ZFP64: variants seen among roughly 807,000 people sequenced by gnomAD.
ZFP64 encodes the protein ZFP64 zinc finger protein.
ZFP64 carries 14 observed loss-of-function variants against 51.6 expected under a neutral mutation model. The observed-to-expected ratio is 0.27, with a 90% confidence interval of 0.18 to 0.42. The LOEUF is 0.42. Among genes scored for constraint, ZFP64 ranks in the 10% least tolerant of loss-of-function variants. ZFP64 has a pLI of 1.00. For synonymous variants in ZFP64, 375 were observed against 361.4 expected, an observed-to-expected ratio of 1.04 and a Z score of -0.43; for missense variants, 754 against 906.8, an observed-to-expected ratio of 0.83 and a Z score of 2.16.
intron 5 of ZFP64, among the ~76,000 whole-genome samples, chr20:52,139,529 T>G (rs1461126208): frequency 6.6e-6 from 1 of 151,834 alleles, no homozygotes; most frequent in Non-Finnish European, 1.5e-5. Flanking sequence ...AGGGTGAGGG[T>G]TGAAAAACTT....
intron 7 of ZFP64, among the ~76,000 whole-genome samples, chr20:52,094,016 A>C (rs1185316922): frequency 6.6e-6 from 1 of 152,228 alleles, no homozygotes; most frequent in African/African-American, 2.4e-5. Flanking sequence ...AGAAGAGTCC[A>C]TCCAAATTGC....
At chr20:52,183,936 T>C (rs6126495) in intron 2 of ZFP64, among the ~76,000 whole-genome samples, 32,241 of 152,084 alleles carry the variant, frequency 0.21, 3,853 homozygotes, top group African/African-American at 0.33. Flanking sequence ...CTGCAGCCTC[T>C]GCCTCCTGGG....
chr20:52,190,108 A>G (rs1237187688), intron 1 of ZFP64, among the ~76,000 whole-genome samples: 2 of 152,206 alleles, frequency 1.3e-5, no homozygotes, highest in African/African-American at 4.8e-5. Context: ...TGGGCTGAGC[A>G]CTGTGATAAG....
Position 52,085,388 on chromosome 20 carries a change from C to A in ZFP64, c.1229-122G>T. 9.8e-7 allele frequency: 1 copy of A among 1,016,332 alleles called. No homozygotes were observed. The highest frequency in any genetic ancestry group is 2.6e-5 in the East Asian group (1 of 38,178). The allele number at this position is 1,016,332 out of a possible 1,614,324, so 63.0% of individuals were successfully genotyped here. A position where few individuals can be genotyped will look rare whatever the true frequency, so the allele number is the denominator to read the frequency against. ...GGGTTTTGTGAACTCTAAACCCAAC[C>A]TCCTAATGACAACACTTGTTGTGCA... On this transcript the variant is annotated intron_variant, in intron 8 of 8. Transcript: ENST00000361387. The surrounding 1 kb of genome is among the most constrained non-coding windows in gnomAD (Gnocchi z 4.3).
rs897409237 is a variant in ZFP64 at position 52,093,297 on chromosome 20, C to T, written c.976+4076G>A. On this transcript the variant is annotated intron_variant, in intron 7 of 8. Coordinates refer to the ZFP64 transcript ENST00000361387. ...CTGGGATTACAGGCAGCCACCACCA[C>T]GCGTGGCTAATATTTGTATTTTTAG... 4.6e-5 allele frequency among the ~76,000 whole-genome samples: 7 copies of T among 152,142 alleles called. No homozygotes were observed. In the East Asian group the frequency reaches 7.7e-4, roughly 17 times the overall value.
At chr20:52,144,099 C>CAT (rs11473560) in intron 5 of ZFP64, among the ~76,000 whole-genome samples, 62,831 of 141,516 alleles carry the variant, frequency 0.44, 19,594 homozygotes, top group Non-Finnish European at 0.52. Context: ...AAATACTTGA[C>CAT]GTGTTAATCT....
rs1981062686 is a variant in ZFP64 at position 52,153,573 on chromosome 20, G to A, written c.764-145C>T. On this transcript the variant is annotated intron_variant, in intron 5 of 5. Coordinates refer to ENST00000216923, the MANE Select transcript of ZFP64 (RefSeq NM_018197.3). This position sits in a 1 kb window ranked among gnomAD's most constrained non-coding sequence, Gnocchi z 5.1. ...AGCTTCTAGCAGCCCCTGGCAGTGGGGGAAGAGGGGCAGGGCGTCTTTATC... is the reference window on the plus strand; with the variant it reads ...AGCTTCTAGCAGCCCCTGGCAGTGGAGGAAGAGGGGCAGGGCGTCTTTATC... 7.9e-7 allele frequency: 1 copy of A among 1,257,926 alleles called. No homozygotes were observed. The highest frequency in any genetic ancestry group is 1.5e-5 in the African/African-American group (1 of 66,454). The allele number at this position is 1,257,926 out of a possible 1,614,324, so 77.9% of individuals were successfully genotyped here.
At chr20:52,094,815 A>G (rs2122734620) in intron 7 of ZFP64, among the ~76,000 whole-genome samples, 1 of 152,310 alleles carries the variant, frequency 6.6e-6, no homozygotes, top group African/African-American at 2.4e-5. Flanking sequence ...TCCCAGTTAA[A>G]CACACACCTC....
chr20:52,145,264 C>G (rs1427526459), intron 5 of ZFP64, among the ~76,000 whole-genome samples: 1 of 152,194 alleles, frequency 6.6e-6, no homozygotes, highest in Non-Finnish European at 1.5e-5. Flanking sequence ...GGCTCTTAGG[C>G]TAGAAATCCA....
chr20:52,164,904 T>C (rs1295973567), intron 3 of ZFP64, 147 bp from the exon 4 acceptor site: 1 of 727,710 alleles, frequency 1.4e-6, no homozygotes, highest in African/African-American at 1.7e-5. Context: ...TCATATGTGA[T>C]GACCGGGAAA....
intron 5 of ZFP64, among the ~76,000 whole-genome samples, chr20:52,129,656 G>A (rs1278011880): frequency 6.6e-6 from 1 of 152,102 alleles, no homozygotes; most frequent in Non-Finnish European, 1.5e-5. Context: ...CCCCGGCCCT[G>A]GCCCATTTCA....
chr20:52,110,227 G>C, intron 5 of ZFP64: 1 of 262,752 alleles, frequency 3.8e-6, no homozygotes. Flanking sequence ...GCTCAGAATT[G>C]TAAGTTAGTA....
intron 5 of ZFP64, chr20:52,104,939 C>T (rs904707469): frequency 1.0e-5 from 7 of 694,334 alleles, no homozygotes; most frequent in South Asian, 7.1e-5. Flanking sequence ...GGGAAGGGGA[C>T]GGTGGACTCC....
chr20:52,131,347 A>C (rs1979714896), intron 5 of ZFP64, among the ~76,000 whole-genome samples: 1 of 152,046 alleles, frequency 6.6e-6, no homozygotes, highest in African/African-American at 2.4e-5. Flanking sequence ...AAACAAATAA[A>C]ATGGCAGGAG....
At chr20:52,122,905 CT>C (rs2122856214) in intron 5 of ZFP64, among the ~76,000 whole-genome samples, 1 of 152,242 alleles carries the variant, frequency 6.6e-6, no homozygotes, top group African/African-American at 2.4e-5. Flanking sequence ...GGTGAAGATG[CT>C]GTGAATGTTG....
At chr20:52,147,121 C>T (rs1382381736), downstream of ZFP64, among the ~76,000 whole-genome samples, 3 of 152,194 alleles carry the variant, frequency 2.0e-5, no homozygotes, top group Non-Finnish European at 4.4e-5. Context: ...AATATTAAGT[C>T]TTCCACTCAA....
chr20:52,155,122 G>A (rs919246360), intron 5 of ZFP64, among the ~76,000 whole-genome samples: 8 of 152,198 alleles, frequency 5.3e-5, no homozygotes, highest in African/African-American at 1.7e-4. Context: ...ATATGCCAAT[G>A]TGTGTGTTTC....
exon 9 of ZFP64, chr20:52,084,668 C>G: frequency 6.2e-7 from 1 of 1,614,258 alleles, no homozygotes; most frequent in African/African-American, 1.3e-5. Context: ...AGTCTGAGTT[C>G]TTGTTCTCAC....
chr20:52,147,439 G>T (rs1018181850), downstream of ZFP64, among the ~76,000 whole-genome samples: 2 of 152,162 alleles, frequency 1.3e-5, no homozygotes, highest in African/African-American at 4.8e-5. Flanking sequence ...GATGCCAGCT[G>T]TATCAGCATT....
Sources: gnomAD v4.1 joint callset for allele counts (sites outside exome capture counted in the v4.1 genomes callset) on GRCh38, gnomAD v4.1.1 for gene constraint, Gnocchi (gnomAD v3.1) non-coding constraint, MANE v1.5 for transcripts, NCBI Gene and HGNC (gene_info 2026-07-23, HGNC 2026-07-21) for gene names.